The following DLC1 variants were observed in gnomAD, a reference collection of about 807,000 sequenced individuals.
DLC1 encodes DLC1 Rho GTPase activating protein, also known as rho GTPase-activating protein 7.
DLC1 carries 54 observed loss-of-function variants against 140.3 expected under a neutral mutation model. That is an observed-to-expected ratio of 0.38 (90% confidence interval 0.31 to 0.48). DLC1 has a LOEUF of 0.48. Ranked by LOEUF, DLC1 falls within the 20% of genes least tolerant of loss-of-function variation. The pLI is 0.96. For missense variants in DLC1, 2,536 were observed against 1,907.0 expected, an observed-to-expected ratio of 1.33 and a Z score of -6.14; for synonymous variants, 986 against 728.1, an observed-to-expected ratio of 1.35 and a Z score of -5.70.
intron 4 of DLC1, among the ~76,000 whole-genome samples, chr8:13,388,262 C>T (rs1211014224): frequency 6.6e-6 from 1 of 151,892 alleles, no homozygotes; most frequent in African/African-American, 2.4e-5. Context: ...AGTAGTGCTA[C>T]CATTACTTTT....
chr8:13,155,768 A>G (rs1824204594), intron 5 of DLC1, among the ~76,000 whole-genome samples: 2 of 152,218 alleles, frequency 1.3e-5, no homozygotes, highest in Admixed American at 1.3e-4. Flanking sequence ...CACATTTAAT[A>G]GTTCACATGA....
At chr8:13,150,882 G>T (rs1823755893) in intron 5 of DLC1, among the ~76,000 whole-genome samples, 1 of 152,192 alleles carries the variant, frequency 6.6e-6, no homozygotes, top group South Asian at 2.1e-4. Flanking sequence ...CCTTAAAAAT[G>T]CATGAGCCTT....
chr8:13,601,820 A>T (rs1192847508), intron 1 of DLC1, among the ~76,000 whole-genome samples: 2 of 151,688 alleles, frequency 1.3e-5, no homozygotes, highest in Non-Finnish European at 3.0e-5. Flanking sequence ...CAACAGCAAA[A>T]CACCCTTCTT....
intron 1 of DLC1, among the ~76,000 whole-genome samples, chr8:13,563,845 T>A (rs966937900): frequency 1.3e-5 from 2 of 152,194 alleles, no homozygotes; most frequent in East Asian, 1.9e-4. Flanking sequence ...CAAAACCACC[T>A]TTAAAATTAT....
intron 4 of DLC1, among the ~76,000 whole-genome samples, chr8:13,349,327 A>T (rs879513452): frequency 6.6e-6 from 1 of 152,050 alleles, no homozygotes; most frequent in Non-Finnish European, 1.5e-5. Context: ...TTCTGGTTAG[A>T]AATCACAGAA....
chr8:13,522,229 T>G (rs540799935), intron 1 of DLC1, among the ~76,000 whole-genome samples: 9 of 152,174 alleles, frequency 5.9e-5, no homozygotes, highest in South Asian at 4.1e-4. Context: ...GCTTTTACAA[T>G]GGAGAAGAAA....
At chr8:13,241,840 G>A (rs1427296418) in intron 5 of DLC1, among the ~76,000 whole-genome samples, 2 of 152,020 alleles carry the variant, frequency 1.3e-5, no homozygotes, top group Non-Finnish European at 2.9e-5. Context: ...CAGACCCCGG[G>A]GTCCTTTCAT....
At chr8:13,563,830 T>C (rs1275549251) in intron 1 of DLC1, among the ~76,000 whole-genome samples, 1 of 152,162 alleles carries the variant, frequency 6.6e-6, no homozygotes, top group Non-Finnish European at 1.5e-5. Flanking sequence ...ACGAATCAAA[T>C]AATGCAAAAC....
chr8:13,449,270 A>G (rs901729363), intron 2 of DLC1, among the ~76,000 whole-genome samples: 5 of 152,200 alleles, frequency 3.3e-5, no homozygotes, highest in Admixed American at 2.6e-4. Flanking sequence ...CTCAGCTGCC[A>G]TAGAGTTGAT....
chr8:13,409,456 T>C (rs12674607), intron 2 of DLC1, among the ~76,000 whole-genome samples: 28,454 of 152,108 alleles, frequency 0.19, 2,925 homozygotes, highest in East Asian at 0.44. Context: ...TGTCTAGTTA[T>C]ATTTGAATTT....
intron 2 of DLC1, among the ~76,000 whole-genome samples, chr8:13,473,165 A>G (rs1800288094): frequency 1.3e-5 from 2 of 152,180 alleles, no homozygotes; most frequent in African/African-American, 2.4e-5. Context: ...TACCATCTGC[A>G]TGGAAACAGG....
At chr8:13,215,273 A>G (rs1438734895) in intron 5 of DLC1, among the ~76,000 whole-genome samples, 1 of 152,234 alleles carries the variant, frequency 6.6e-6, no homozygotes, top group African/African-American at 2.4e-5. Context: ...TACCAGGCTG[A>G]AAGACTCTGA....
At chr8:13,560,748 A>C (rs923842800) in intron 1 of DLC1, among the ~76,000 whole-genome samples, 7 of 152,136 alleles carry the variant, frequency 4.6e-5, no homozygotes. Flanking sequence ...GTGTTAATCT[A>C]ATATGGCTAG....
At chr8:13,364,919 T>C (rs1236739309) in intron 4 of DLC1, among the ~76,000 whole-genome samples, 10 of 152,190 alleles carry the variant, frequency 6.6e-5, no homozygotes, top group Admixed American at 5.9e-4. Context: ...ATAATTGCAA[T>C]GTTTGTTTTC....
At chr8:13,130,800 C>A (rs1043746268) in intron 5 of DLC1, among the ~76,000 whole-genome samples, 9 of 152,160 alleles carry the variant, frequency 5.9e-5, no homozygotes, top group Non-Finnish European at 1.3e-4. Context: ...AACTTCCAGG[C>A]TGTTTGGTGT....
chr8:13,468,207 T>C (rs775650798), intron 2 of DLC1, among the ~76,000 whole-genome samples: 2 of 152,228 alleles, frequency 1.3e-5, no homozygotes, highest in Non-Finnish European at 2.9e-5. Flanking sequence ...CAGTAATTTG[T>C]CCATTTCATT....
At chr8:13,545,519 G>C (rs981717913) in intron 1 of DLC1, among the ~76,000 whole-genome samples, 2 of 151,826 alleles carry the variant, frequency 1.3e-5, no homozygotes, top group African/African-American at 2.4e-5. Context: ...TGCATTGTAT[G>C]ACAAGGTTTA....
At chr8:13,365,743 G>A (rs899582019) in intron 4 of DLC1, among the ~76,000 whole-genome samples, 1 of 152,070 alleles carries the variant, frequency 6.6e-6, no homozygotes, top group Non-Finnish European at 1.5e-5. Flanking sequence ...TGTGAGGCAT[G>A]TCTCACCGAG....
intron 5 of DLC1, among the ~76,000 whole-genome samples, chr8:13,177,937 A>G (rs1188223610): frequency 6.6e-6 from 1 of 152,156 alleles, no homozygotes; most frequent in African/African-American, 2.4e-5. Context: ...AAAAAAGGGG[A>G]CTTGACACTT....
Sources: allele counts gnomAD v4.1 joint callset (sites outside exome capture counted in the v4.1 genomes callset), GRCh38; gene constraint gnomAD v4.1.1; transcripts MANE v1.5; gene names NCBI Gene and HGNC (gene_info 2026-07-23, HGNC 2026-07-21).